MED26: variants seen among roughly 807,000 people sequenced by gnomAD.
MED26 encodes the protein mediator complex subunit 26.
In MED26, 7 loss-of-function variants were observed where a neutral mutation model predicts 43.7. The ratio of observed to expected loss-of-function variants is 0.16; its 90% CI spans 0.09 to 0.30. The LOEUF (loss-of-function observed/expected upper bound fraction) is 0.30. MED26 is among the 10% of genes least tolerant of loss of function. The pLI is 1.00. For missense variants in MED26, 784 were observed against 840.6 expected, an observed-to-expected ratio of 0.93 and a Z score of 0.83; for synonymous variants, 375 against 371.1, an observed-to-expected ratio of 1.01 and a Z score of -0.12.
At chr19:16,627,676 C>G (rs1445913491) in intron 1 of MED26, among the ~76,000 whole-genome samples, 196 bp downstream of exon 1, 1 of 152,250 alleles carries the variant, frequency 6.6e-6, no homozygotes, top group Non-Finnish European at 1.5e-5. Flanking sequence ...CTCGGCCTCA[C>G]GTACCGAGCG....
chr19:16,583,034 T>G (rs564151912), intron 1 of MED26, among the ~76,000 whole-genome samples: 18 of 152,334 alleles, frequency 1.2e-4, no homozygotes, highest in Admixed American at 1.1e-3. Context: ...TCTGGGGAAG[T>G]ACACTAGATC....
intron 1 of MED26, among the ~76,000 whole-genome samples, chr19:16,623,053 C>G (rs79195211): frequency 0.052 from 7,891 of 152,232 alleles, 285 homozygotes; most frequent in South Asian, 0.065. Flanking sequence ...TGACCACATG[C>G]TGGTCTTGGA....
chr19:16,620,434 C>G (rs888410001), intron 1 of MED26, among the ~76,000 whole-genome samples: 4 of 152,222 alleles, frequency 2.6e-5, no homozygotes, highest in Non-Finnish European at 5.9e-5. Flanking sequence ...CTGAAAACCG[C>G]TGGCACCTAG....
Position 16,576,846 on chromosome 19 carries a change from C to T in MED26, c.984G>A (p.Arg328=), listed in dbSNP as rs1425227718. The change falls in exon 3 of 3, where the codon CGG becomes CGA. Residue 328 remains arginine (R), a synonymous_variant. Transcript: ENST00000263390. This position sits in a 1 kb window ranked among gnomAD's most constrained non-coding sequence, Gnocchi z 6.8. ...TTTCCGCACTGGGCAGCAGCTCGAGCCGCCGTACGGGGGGTGTGGACGGCT... is the reference window on the plus strand; with the variant it reads ...TTTCCGCACTGGGCAGCAGCTCGAGTCGCCGTACGGGGGGTGTGGACGGCT... ...LAQPSTPPVR[R]LELLPSAESP... 1.9e-6 allele frequency: 3 copies of T among 1,610,572 alleles called. No individual in the cohort carries two copies. In the Admixed American group the frequency reaches 5.0e-5, roughly 27 times the overall value.
At chr19:16,584,793 G>A (rs2086063223) in intron 1 of MED26, among the ~76,000 whole-genome samples, 2 of 152,196 alleles carry the variant, frequency 1.3e-5, no homozygotes, top group Non-Finnish European at 2.9e-5. Flanking sequence ...ACTGAAGCAG[G>A]ATGGTTACCT....
At chr19:16,584,280 G>GA (rs2086060107) in intron 1 of MED26, among the ~76,000 whole-genome samples, 1 of 143,206 alleles carries the variant, frequency 7.0e-6, no homozygotes, top group African/African-American at 2.6e-5. Context: ...AAAAAAAACC[G>GA]AAACCCAAAC....
At chr19:16,584,882 G>A (rs1277309406) in intron 1 of MED26, among the ~76,000 whole-genome samples, 1 of 152,206 alleles carries the variant, frequency 6.6e-6, no homozygotes, top group Non-Finnish European at 1.5e-5. Flanking sequence ...GTTTGGGAGA[G>A]TTCACTGATC....
Position 16,575,984 on chromosome 19 carries a change from G to T in MED26, c.*43C>A. 6.9e-7 allele frequency: 1 copy of T among 1,440,594 alleles called. No individual in the cohort carries two copies. Among genetic ancestry groups the T allele is most frequent in the Non-Finnish European group, 9.3e-7 (1 of 1,070,738 alleles). The allele number at this position is 1,440,594 out of a possible 1,614,324, so 89.2% of individuals were successfully genotyped here. A position where few individuals can be genotyped will look rare whatever the true frequency, so the allele number is the denominator to read the frequency against. On this transcript the variant is annotated 3_prime_UTR_variant, in exon 3 of 3. Coordinates refer to ENST00000263390, the MANE Select transcript of MED26 (RefSeq NM_004831.5). ...TGCCCACCTGCCTGCCCGCCCACCC[G>T]GCTTCTGCAAGATGGGAATGCACTT...
rs2086021987 is a variant in MED26 at position 16,578,055 on chromosome 19, A to C, written c.147+280T>G. On this transcript the variant is annotated intron_variant, in intron 2 of 2. Transcript: ENST00000263390. ...GTCCGCTTCAAGTGGAGGGTTGGGGATGGTGCCTCTCACTGGAGCCTCCTC... is the reference window on the plus strand; with the variant it reads ...GTCCGCTTCAAGTGGAGGGTTGGGGCTGGTGCCTCTCACTGGAGCCTCCTC... 5 of 517,730 alleles carry C rather than the reference A, an allele frequency of 9.7e-6. No individual in the cohort carries two copies. The South Asian group carries it at 1.2e-4, about 13-fold the overall frequency. The allele number at this position is 517,730 out of a possible 1,614,324, so 32.1% of individuals were successfully genotyped here.
At chr19:16,582,154 G>A (rs933949326) in intron 1 of MED26, among the ~76,000 whole-genome samples, 3 of 152,200 alleles carry the variant, frequency 2.0e-5, no homozygotes, top group Non-Finnish European at 2.9e-5. Flanking sequence ...TGTCCAGTGC[G>A]GCCACTCCCT....
At chr19:16,598,535 C>T (rs557373225) in intron 1 of MED26, among the ~76,000 whole-genome samples, 1 of 152,122 alleles carries the variant, frequency 6.6e-6, no homozygotes, top group East Asian at 1.9e-4. Flanking sequence ...TTGCTGGTGG[C>T]ATGAACTGCC....
At chr19:16,627,017 G>C (rs1599352525) in intron 1 of MED26, among the ~76,000 whole-genome samples, 1 of 148,402 alleles carries the variant, frequency 6.7e-6, no homozygotes, top group Non-Finnish European at 1.5e-5. Flanking sequence ...ACCCGAGGAA[G>C]CGACACTCTG....
intron 1 of MED26, among the ~76,000 whole-genome samples, chr19:16,616,401 ACT>A (rs1170908925): frequency 2.0e-5 from 3 of 151,956 alleles, no homozygotes; most frequent in African/African-American, 7.3e-5. Flanking sequence ...AAGAGCTGAG[ACT>A]CTATCCAGCC....
intron 1 of MED26, among the ~76,000 whole-genome samples, chr19:16,601,025 G>C (rs1487767651): frequency 6.6e-6 from 1 of 152,012 alleles, no homozygotes; most frequent in African/African-American, 2.4e-5. Context: ...AGGAGGTTGA[G>C]GCAGCAGTGA....
intron 1 of MED26, among the ~76,000 whole-genome samples, chr19:16,614,217 G>C (rs2086212530): frequency 6.6e-6 from 1 of 152,162 alleles, no homozygotes; most frequent in African/African-American, 2.4e-5. Flanking sequence ...TCCAGCTAAG[G>C]TCCAGAAGCT....
chr19:16,579,967 A>G (rs1476000206), intron 1 of MED26, among the ~76,000 whole-genome samples: 1 of 152,186 alleles, frequency 6.6e-6, no homozygotes, highest in Non-Finnish European at 1.5e-5. Flanking sequence ...TTGGCTCACC[A>G]TCCCTTCCAG....
At chr19:16,598,244 G>A (rs1332635819) in intron 1 of MED26, among the ~76,000 whole-genome samples, 2 of 150,110 alleles carry the variant, frequency 1.3e-5, no homozygotes, top group Non-Finnish European at 2.9e-5. Flanking sequence ...AGCTGACGCA[G>A]GAGAATGGCT....
chr19:16,619,115 AC>A (rs772211128), intron 1 of MED26, among the ~76,000 whole-genome samples: 115 of 152,356 alleles, frequency 7.5e-4, no homozygotes, highest in South Asian at 2.1e-3. Flanking sequence ...GGAAGTAAAG[AC>A]AAGTGCTGTG....
At chr19:16,624,613 C>T (rs2086265806) in intron 1 of MED26, 1 of 152,240 alleles carries the variant, frequency 6.6e-6, no homozygotes, top group South Asian at 2.1e-4. Context: ...CCTCTAAAAG[C>T]TAAGTTTGTT....
Sources: allele counts gnomAD v4.1 joint callset (sites outside exome capture counted in the v4.1 genomes callset), GRCh38; gene constraint gnomAD v4.1.1; non-coding constraint Gnocchi (gnomAD v3.1); transcripts MANE v1.5; gene names NCBI Gene and HGNC (gene_info 2026-07-23, HGNC 2026-07-21).